APBB2: variants seen among roughly 807,000 people sequenced by gnomAD.
APBB2 encodes the protein Fe65-like 1.
In APBB2, 38 loss-of-function variants were observed where a neutral mutation model predicts 82.5. The observed-to-expected ratio is 0.46, with a 90% CI of 0.36 to 0.60. APBB2 has a LOEUF of 0.60. APBB2 is among the 20% of genes least tolerant of loss of function. APBB2 has a pLI of 0.00. For missense variants in APBB2, 772 were observed against 972.3 expected (o/e 0.79, Z 2.74); for synonymous variants, 341 against 368.2 (o/e 0.93, Z 0.85).
intron 13 of APBB2, among the ~76,000 whole-genome samples, chr4:40,828,561 A>G (rs1209043443): frequency 1.3e-5 from 2 of 152,250 alleles, no homozygotes; most frequent in Non-Finnish European, 2.9e-5. Flanking sequence ...GCCAGAATAT[A>G]AGCTCCATAA....
chr4:41,001,596 G>A (rs1383092632), intron 6 of APBB2, among the ~76,000 whole-genome samples: 3 of 152,228 alleles, frequency 2.0e-5, no homozygotes, highest in African/African-American at 7.2e-5. Flanking sequence ...GAAAAAGACA[G>A]GCTGGGCGTG....
At chr4:41,069,411 C>A (rs10517554) in intron 3 of APBB2, among the ~76,000 whole-genome samples, 2 of 151,966 alleles carry the variant, frequency 1.3e-5, no homozygotes, top group Non-Finnish European at 2.9e-5. Flanking sequence ...AAACCCGATG[C>A]GATGGAAAAC....
intron 10 of APBB2, among the ~76,000 whole-genome samples, chr4:40,918,951 G>GTTTCTT (rs1486833155): frequency 2.0e-5 from 3 of 151,966 alleles, no homozygotes; most frequent in Non-Finnish European, 4.4e-5. Flanking sequence ...CTTGAGGTGA[G>GTTTCTT]TTTCTTTTTC....
intron 10 of APBB2, among the ~76,000 whole-genome samples, chr4:40,919,584 G>C (rs1780731149): frequency 6.6e-6 from 1 of 152,210 alleles, no homozygotes; most frequent in South Asian, 2.1e-4. Flanking sequence ...GGTGGCCTTA[G>C]AAATGGTACA....
At chr4:41,016,433 G>A (rs1355058642) in intron 5 of APBB2, among the ~76,000 whole-genome samples, 5 of 152,066 alleles carry the variant, frequency 3.3e-5, no homozygotes, top group South Asian at 4.1e-4. Flanking sequence ...AGGCTGAGGC[G>A]GGCAGATCAC....
chr4:41,121,552 C>A (rs1367564685), intron 2 of APBB2, among the ~76,000 whole-genome samples: 1 of 152,162 alleles, frequency 6.6e-6, no homozygotes, highest in Non-Finnish European at 1.5e-5. Context: ...GCTAAGACTC[C>A]TGAGGTGTCC....
chr4:40,818,567 T>A (rs989211538), intron 17 of APBB2, among the ~76,000 whole-genome samples: 8 of 152,220 alleles, frequency 5.3e-5, no homozygotes, highest in South Asian at 2.1e-4. Context: ...TTTTCTATTT[T>A]CTTCACAGAT....
intron 3 of APBB2, among the ~76,000 whole-genome samples, chr4:41,083,901 TA>T (rs1738657359): frequency 6.6e-6 from 1 of 151,914 alleles, no homozygotes; most frequent in Non-Finnish European, 1.5e-5. Context: ...TCATAGGCCT[TA>T]AAAAATAATA....
intron 12 of APBB2, chr4:40,881,510 C>CAT (rs1768494214): frequency 3.5e-6 from 1 of 288,308 alleles, no homozygotes; most frequent in Non-Finnish European, 5.0e-6. Flanking sequence ...CGCTTTCTTT[C>CAT]CTTTTATCTT....
At chr4:40,929,251 A>T (rs182466934) in intron 10 of APBB2, among the ~76,000 whole-genome samples, 2 of 152,298 alleles carry the variant, frequency 1.3e-5, no homozygotes, top group East Asian at 3.9e-4. Context: ...AGGAATGGAA[A>T]GAAAGAGAGT....
intron 3 of APBB2, among the ~76,000 whole-genome samples, chr4:41,087,572 G>A (rs1740202829): frequency 2.0e-5 from 3 of 151,960 alleles, no homozygotes. Flanking sequence ...GGGATTACAA[G>A]CATGCATCAC....
At chr4:40,890,276 C>T (rs1038630761) in intron 12 of APBB2, 88 bp downstream of exon 12, 8 of 1,489,184 alleles carry the variant, frequency 5.4e-6, no homozygotes, top group South Asian at 2.7e-5. Context: ...TTTCGTATTC[C>T]GTGAAATGCT....
chr4:41,007,730 T>C (rs969904547), intron 6 of APBB2, among the ~76,000 whole-genome samples: 15 of 152,226 alleles, frequency 9.9e-5, no homozygotes, highest in African/African-American at 2.7e-4. Flanking sequence ...AGAGCATGCA[T>C]TAATGATCGT....
At chr4:40,898,425 C>T (rs1032216920) in intron 10 of APBB2, among the ~76,000 whole-genome samples, 7 of 149,922 alleles carry the variant, frequency 4.7e-5, no homozygotes, top group African/African-American at 1.5e-4. Flanking sequence ...CACCACGCCT[C>T]GCTAATTTTT....
intron 6 of APBB2, among the ~76,000 whole-genome samples, chr4:40,982,387 G>GAAGGAAGGGAAAGGA (rs1560448982): frequency 9.1e-5 from 1 of 11,008 alleles, no homozygotes; most frequent in African/African-American, 2.6e-4. Flanking sequence ...AGGAAGGAAG[G>GAAGGAAGGGAAAGGA]AAGGAAAGGA....
intron 2 of APBB2, among the ~76,000 whole-genome samples, chr4:41,119,522 TA>T (rs35952366): frequency 0.018 from 2,102 of 118,024 alleles, 21 homozygotes; most frequent in African/African-American, 0.034. Context: ...GAAGTTCCAT[TA>T]AAAAAAAAAA....
intron 10 of APBB2, among the ~76,000 whole-genome samples, chr4:40,893,900 G>A (rs1194758367): frequency 6.6e-6 from 1 of 152,148 alleles, no homozygotes; most frequent in Non-Finnish European, 1.5e-5. Context: ...CTTGAACCCA[G>A]GAGGCGGAGG....
At chr4:40,873,697 A>C (rs1051510852) in intron 12 of APBB2, among the ~76,000 whole-genome samples, 16 of 152,234 alleles carry the variant, frequency 1.1e-4, no homozygotes, top group African/African-American at 3.9e-4. Flanking sequence ...TCTGTGCACT[A>C]TTATTCTCTG....
At chr4:40,996,859 G>T (rs901858489) in intron 6 of APBB2, among the ~76,000 whole-genome samples, 1 of 152,044 alleles carries the variant, frequency 6.6e-6, no homozygotes, top group East Asian at 1.9e-4. Flanking sequence ...TGACCCAATT[G>T]TCCCACAGTG....
Sources: allele counts gnomAD v4.1 joint callset (sites outside exome capture counted in the v4.1 genomes callset), GRCh38; gene constraint gnomAD v4.1.1; transcripts MANE v1.5; gene names NCBI Gene and HGNC (gene_info 2026-07-23, HGNC 2026-07-21).